The following KAZN variants were observed in gnomAD, a reference collection of about 807,000 sequenced individuals.
KAZN encodes the protein kazrin.
Under a neutral mutation model 87.4 loss-of-function variants are expected in KAZN, and 40 were observed. The ratio of observed to expected loss-of-function variants is 0.46; its 90% CI spans 0.36 to 0.60. The LOEUF is 0.60. Ranked by LOEUF, KAZN falls within the 20% of genes least tolerant of loss-of-function variation. The pLI, the probability that KAZN is intolerant of heterozygous loss-of-function variation, is 0.00. For missense variants in KAZN, 898 were observed against 1,073.9 expected, an observed-to-expected ratio of 0.84 and a Z score of 2.29; for synonymous variants, 466 against 458.3, an observed-to-expected ratio of 1.02 and a Z score of -0.22.
At chr1:13,913,993 A>G (rs188619902) in intron 1 of KAZN, among the ~76,000 whole-genome samples, 101 of 152,342 alleles carry the variant, frequency 6.6e-4, no homozygotes, top group East Asian at 1.9e-3. Context: ...CTGCTCAATC[A>G]GAGACTCTGG....
At chr1:14,640,084 G>T (rs776708171) in intron 1 of KAZN, among the ~76,000 whole-genome samples, 2 of 152,196 alleles carry the variant, frequency 1.3e-5, no homozygotes, top group Non-Finnish European at 2.9e-5. Context: ...CTCTGGGTTT[G>T]TTGGGCCTGA....
intron 2 of KAZN, among the ~76,000 whole-genome samples, chr1:14,322,900 T>C (rs1395158657): frequency 3.3e-5 from 5 of 152,108 alleles, no homozygotes; most frequent in Non-Finnish European, 5.9e-5. Context: ...AGAGGCTTAA[T>C]TGACTCACAG....
intron 2 of KAZN, among the ~76,000 whole-genome samples, chr1:15,020,670 C>T (rs1306560292): frequency 6.6e-6 from 1 of 152,212 alleles, no homozygotes; most frequent in Non-Finnish European, 1.5e-5. Context: ...CGGCCATTCT[C>T]CTGATCAAGG....
At chr1:14,942,852 T>G (rs1369146274) in intron 1 of KAZN, among the ~76,000 whole-genome samples, 1 of 152,102 alleles carries the variant, frequency 6.6e-6, no homozygotes, top group East Asian at 1.9e-4. Flanking sequence ...AGAGATTTCC[T>G]TGTCTGGGTT....
At chr1:14,563,629 C>T (rs1674377602) in intron 2 of KAZN, among the ~76,000 whole-genome samples, 1 of 152,102 alleles carries the variant, frequency 6.6e-6, no homozygotes, top group Non-Finnish European at 1.5e-5. Context: ...CACTCATCCC[C>T]ATCAAGTCCT....
chr1:14,075,428 G>T (rs753168399), intron 1 of KAZN, among the ~76,000 whole-genome samples: 17 of 152,040 alleles, frequency 1.1e-4, no homozygotes, highest in Non-Finnish European at 1.8e-4. Flanking sequence ...TCTTTAGAAG[G>T]TGTATTAATC....
intron 2 of KAZN, among the ~76,000 whole-genome samples, chr1:14,286,967 A>C (rs899868790): frequency 6.6e-6 from 1 of 152,180 alleles, no homozygotes; most frequent in Admixed American, 6.5e-5. Context: ...CTAAGAAGCC[A>C]TATATGAATT....
intron 8 of KAZN, among the ~76,000 whole-genome samples, chr1:15,075,293 C>G (rs1314208935): frequency 6.6e-6 from 1 of 152,190 alleles, no homozygotes; most frequent in Admixed American, 6.5e-5. Flanking sequence ...GGAAAAAAAT[C>G]CCTGGGTCAG....
Position 15,094,205 on chromosome 1 carries a change from G to T in KAZN, c.1248G>T (p.Thr416=). 6.2e-7 allele frequency: 1 copy of T among 1,613,580 alleles called. No individual in the cohort carries two copies. The highest frequency in any genetic ancestry group is 8.5e-7 in the Non-Finnish European group (1 of 1,179,880). ...ACTCGGACAGCCAGTGCAGCCCCACGCGGCAGAGCCTCAGCCTGTCGGAAG... is the reference window on the plus strand; with the variant it reads ...ACTCGGACAGCCAGTGCAGCCCCACTCGGCAGAGCCTCAGCCTGTCGGAAG... The part of the protein sequence containing the change: ...FDDSDSQCSP[T]RQSLSLSEGE... Residue 416 remains threonine (T), a synonymous_variant, in exon 9 of 15, where the codon ACG becomes ACT. Transcript: ENST00000376030. This position sits in a 1 kb window ranked among gnomAD's most constrained non-coding sequence, Gnocchi z 4.5.
intron 2 of KAZN, among the ~76,000 whole-genome samples, chr1:14,552,394 C>G (rs1021345258): frequency 1.3e-5 from 2 of 152,236 alleles, no homozygotes; most frequent in Non-Finnish European, 2.9e-5. Context: ...AGCTGCCTCC[C>G]AGGCCCAGAT....
At chr1:14,418,488 A>T (rs923996785) in intron 2 of KAZN, among the ~76,000 whole-genome samples, 4 of 152,214 alleles carry the variant, frequency 2.6e-5, no homozygotes, top group Non-Finnish European at 5.9e-5. Context: ...CTATGTTGTA[A>T]GTTTTCGGGT....
At chr1:15,072,340 A>G (rs949651307) in intron 8 of KAZN, among the ~76,000 whole-genome samples, 1 of 152,184 alleles carries the variant, frequency 6.6e-6, no homozygotes, top group Non-Finnish European at 1.5e-5. Context: ...AAGTTCCTCC[A>G]TCTGCCAGGG....
chr1:14,486,845 C>T (rs1424524778), intron 2 of KAZN, among the ~76,000 whole-genome samples: 1 of 152,188 alleles, frequency 6.6e-6, no homozygotes, highest in Non-Finnish European at 1.5e-5. Flanking sequence ...ATTATACTTG[C>T]CAGGCCATCG....
At chr1:14,569,320 CTTTTT>C (rs35144232) in intron 2 of KAZN, among the ~76,000 whole-genome samples, 1 of 92,326 alleles carries the variant, frequency 1.1e-5, no homozygotes, top group South Asian at 4.2e-4. Context: ...ACTTCCTCTG[CTTTTT>C]TTTTTTTTTT....
At chr1:13,934,708 G>A (rs1054581552) in intron 1 of KAZN, among the ~76,000 whole-genome samples, 2 of 152,146 alleles carry the variant, frequency 1.3e-5, no homozygotes, top group Non-Finnish European at 2.9e-5. Context: ...AAGACCCAAA[G>A]TTGGAAGGGG....
chr1:14,376,734 C>G (rs927991482), intron 2 of KAZN, among the ~76,000 whole-genome samples: 1 of 152,152 alleles, frequency 6.6e-6, no homozygotes, highest in Admixed American at 6.5e-5. Context: ...CATATGACCT[C>G]TGTGTGCAGT....
rs74714895 is a variant in KAZN at position 15,094,946 on chromosome 1, C to T, written c.1547+13C>T. 2,263 of 1,533,916 alleles carry T rather than the reference C, an allele frequency of 1.5e-3. 22 individuals are homozygous for T. In the African/African-American group the frequency reaches 0.024, roughly 17 times the overall value. ...AGGCAGGCCGCAGGTGAGCCCACCA[C>T]GAGGGGCCCCGGGGGAGGAGAGAAA... is the stretch of plus-strand genomic sequence containing the variant. On this transcript the variant is annotated intron_variant, in intron 10 of 14. Transcript: ENST00000376030. The surrounding 1 kb of genome is among the most constrained non-coding windows in gnomAD (Gnocchi z 4.5).
chr1:14,811,136 C>T (rs185383765), intron 1 of KAZN, among the ~76,000 whole-genome samples: 16 of 152,302 alleles, frequency 1.1e-4, no homozygotes, highest in South Asian at 2.1e-4. Context: ...CTCCCCCAAC[C>T]GACAGCACAA....
At chr1:14,426,928 C>A (rs1173408586) in intron 2 of KAZN, among the ~76,000 whole-genome samples, 1 of 152,220 alleles carries the variant, frequency 6.6e-6, no homozygotes, top group Admixed American at 6.5e-5. Context: ...TTCTATCACT[C>A]ACCCAGCAAT....
Sources: allele counts gnomAD v4.1 joint callset (sites outside exome capture counted in the v4.1 genomes callset), GRCh38; gene constraint gnomAD v4.1.1; non-coding constraint Gnocchi (gnomAD v3.1); transcripts MANE v1.5; gene names NCBI Gene and HGNC (gene_info 2026-07-23, HGNC 2026-07-21).